Variants in PTPN9 observed in about 807,000 individuals in gnomAD.
The protein encoded by PTPN9 is tyrosine-protein phosphatase non-receptor type 9.
A neutral mutation model predicts 69.8 loss-of-function variants in PTPN9; 26 were observed. The observed-to-expected ratio is 0.37, with a 90% confidence interval of 0.27 to 0.52. The LOEUF (loss-of-function observed/expected upper bound fraction) is 0.52. Among genes scored for constraint, PTPN9 ranks in the 20% least tolerant of loss-of-function variants. The pLI, the probability that PTPN9 is intolerant of heterozygous loss-of-function variation, is 0.91. For missense variants in PTPN9, 549 were observed against 740.3 expected (o/e 0.74, Z 3.00); for synonymous variants, 274 against 272.5 (o/e 1.01, Z -0.05).
At chr15:75,516,187 A>G (rs1299118902) in intron 5 of PTPN9, among the ~76,000 whole-genome samples, 1 of 152,140 alleles carries the variant, frequency 6.6e-6, no homozygotes, top group African/African-American at 2.4e-5. Flanking sequence ...AATGCTTGGG[A>G]CTAGAAGTGT....
chr15:75,517,192 A>G, intron 5 of PTPN9, 67 bp downstream of exon 5: 1 of 1,218,226 alleles, frequency 8.2e-7, no homozygotes, highest in Non-Finnish European at 1.2e-6. Context: ...TCTTTTCCCA[A>G]AGAATTAAAA....
chr15:75,500,486 C>G (rs1173215123), intron 7 of PTPN9, among the ~76,000 whole-genome samples: 1 of 151,812 alleles, frequency 6.6e-6, no homozygotes, highest in Non-Finnish European at 1.5e-5. Context: ...TGCAGTGGGC[C>G]GAAATCATAC....
chr15:75,570,552 T>C (rs8036884), intron 1 of PTPN9, among the ~76,000 whole-genome samples: 53,548 of 151,854 alleles, frequency 0.35, 10,746 homozygotes, highest in African/African-American at 0.54. Flanking sequence ...GGAGGATTGC[T>C]TGAGCTTAGG....
At chr15:75,522,570 A>G (rs1039278462) in intron 4 of PTPN9, among the ~76,000 whole-genome samples, 1 of 151,830 alleles carries the variant, frequency 6.6e-6, no homozygotes, top group Non-Finnish European at 1.5e-5. Flanking sequence ...CACCCAGCTA[A>G]TTTTTTGTAT....
At chr15:75,502,056 C>G (rs1297588471) in intron 7 of PTPN9, among the ~76,000 whole-genome samples, 2 of 151,184 alleles carry the variant, frequency 1.3e-5, no homozygotes, top group Non-Finnish European at 2.9e-5. Context: ...ACTCAGGAGG[C>G]TGAAGTAGGA....
chr15:75,569,914 C>T (rs1200421430), intron 1 of PTPN9, among the ~76,000 whole-genome samples: 1 of 151,768 alleles, frequency 6.6e-6, no homozygotes, highest in South Asian at 2.1e-4. Context: ...CCCTGCCTCC[C>T]GGTTCAAGCA....
At chr15:75,506,521 T>C (rs1475078376) in intron 6 of PTPN9, among the ~76,000 whole-genome samples, 1 of 152,044 alleles carries the variant, frequency 6.6e-6, no homozygotes, top group Non-Finnish European at 1.5e-5. Context: ...GATAACACTT[T>C]TTTTTTGAGA....
chr15:75,554,352 G>A (rs890755704), intron 1 of PTPN9, among the ~76,000 whole-genome samples: 2 of 151,752 alleles, frequency 1.3e-5, no homozygotes, highest in African/African-American at 2.4e-5. Context: ...GCACCACCAC[G>A]CCCGGCTAAT....
At chr15:75,568,259 G>A (rs1049966248) in intron 1 of PTPN9, among the ~76,000 whole-genome samples, 10 of 151,928 alleles carry the variant, frequency 6.6e-5, no homozygotes, top group South Asian at 2.1e-4. Context: ...TTGGGAGGCC[G>A]AGGCTGGAGG....
chr15:75,542,357 A>G (rs1050061679), intron 1 of PTPN9, among the ~76,000 whole-genome samples: 2 of 152,346 alleles, frequency 1.3e-5, no homozygotes, highest in Non-Finnish European at 2.9e-5. Flanking sequence ...AGAAAGGCCT[A>G]ACACCCATCT....
In PTPN9 at chr15:75,527,258, T is replaced by C. The variant is rs755396738; in HGVS notation, c.67A>G (p.Thr23Ala). Residue 23 changes from threonine to alanine, a missense_variant, in exon 2 of 13, where the codon ACC becomes GCC. Coordinates refer to ENST00000618819, the MANE Select transcript of PTPN9 (RefSeq NM_002833.4). Reference protein sequence around the residue: ...PELTPEEEQATKQFLEEINKW... With the variant: ...PELTPEEEQAAKQFLEEINKW... ...TTAATCTCTTCGAGAAACTGCTTGG[T>C]AGCCTGTTTGACAAAGAAAGAAAGA... 1.2e-6 allele frequency: 2 copies of C among 1,613,926 alleles called. No individual in the cohort carries two copies. The highest frequency in any genetic ancestry group is 1.1e-5 in the South Asian group (1 of 91,074).
intron 1 of PTPN9, among the ~76,000 whole-genome samples, chr15:75,572,183 T>C (rs1457822965): frequency 6.6e-6 from 1 of 151,160 alleles, no homozygotes; most frequent in Non-Finnish European, 1.5e-5. Context: ...AATACAAAAA[T>C]AAGCCAGGCG....
chr15:75,578,635 C>T, intron 1 of PTPN9, 79 bp downstream of exon 1: 1 of 1,154,680 alleles, frequency 8.7e-7, no homozygotes, highest in Non-Finnish European at 1.1e-6. Flanking sequence ...CTGCAAAGAG[C>T]CGGCACTCGG....
At chr15:75,550,010 A>T (rs950485206) in intron 1 of PTPN9, among the ~76,000 whole-genome samples, 2 of 151,872 alleles carry the variant, frequency 1.3e-5, no homozygotes, top group African/African-American at 4.8e-5. Flanking sequence ...TGTCTTGATA[A>T]ACTCCTTTTT....
At chr15:75,552,637 T>C (rs1042919284) in intron 1 of PTPN9, among the ~76,000 whole-genome samples, 3 of 151,642 alleles carry the variant, frequency 2.0e-5, no homozygotes, top group Non-Finnish European at 2.9e-5. Flanking sequence ...CTGAACATCA[T>C]AGGATAAGCT....
chr15:75,488,616 T>C (rs2141298514), intron 8 of PTPN9, among the ~76,000 whole-genome samples: 1 of 151,068 alleles, frequency 6.6e-6, no homozygotes, highest in Admixed American at 6.6e-5. Context: ...AGCGAGACCC[T>C]AGGTCTACAA....
At chr15:75,545,700 G>A (rs2075029374) in intron 1 of PTPN9, among the ~76,000 whole-genome samples, 1 of 152,178 alleles carries the variant, frequency 6.6e-6, no homozygotes, top group African/African-American at 2.4e-5. Context: ...AGCACTTTGG[G>A]AGGCGGAGGC....
chr15:75,538,490 A>C (rs1012373412), intron 1 of PTPN9, among the ~76,000 whole-genome samples: 3 of 152,160 alleles, frequency 2.0e-5, no homozygotes, highest in Non-Finnish European at 2.9e-5. Flanking sequence ...TGATCTCAGG[A>C]GTTCGTGACC....
chr15:75,498,816 T>C (rs966390541), intron 7 of PTPN9, among the ~76,000 whole-genome samples: 1 of 152,146 alleles, frequency 6.6e-6, no homozygotes, highest in Non-Finnish European at 1.5e-5. Context: ...AGGGGAGCCT[T>C]GTGGTGACAG....
Sources: gnomAD v4.1 joint callset for allele counts (sites outside exome capture counted in the v4.1 genomes callset) on GRCh38, gnomAD v4.1.1 for gene constraint, MANE v1.5 for transcripts, NCBI Gene and HGNC (gene_info 2026-07-23, HGNC 2026-07-21) for gene names.